Variants in ZMYM2 observed in about 807,000 individuals in gnomAD.
ZMYM2 encodes zinc finger MYM-type protein 2.
In ZMYM2, 56 loss-of-function variants were observed where a neutral mutation model predicts 162.8. That is an observed-to-expected ratio of 0.34 (90% confidence interval 0.28 to 0.43). The LOEUF (loss-of-function observed/expected upper bound fraction) is 0.43, where lower values mean the gene tolerates loss of function less well. Ranked by LOEUF, ZMYM2 falls within the 20% of genes least tolerant of loss-of-function variation. The probability of loss-of-function intolerance (pLI) is 1.00; values close to 1 mark genes in which losing one functional copy is unlikely to be tolerated. For synonymous variants in ZMYM2, 510 were observed against 541.6 expected (o/e 0.94, Z 0.81); for missense variants, 1,275 against 1,621.8 (o/e 0.79, Z 3.67).
the ZMYM2 span, among the ~76,000 whole-genome samples, chr13:19,937,099 T>C: frequency 1.3e-5 from 2 of 151,988 alleles, no homozygotes; most frequent in African/African-American, 4.8e-5. Flanking sequence ...AAAATCAACC[T>C]CTTAAAAAAA....
chr13:19,903,410 C>T, the ZMYM2 span, among the ~76,000 whole-genome samples: 38 of 135,126 alleles, frequency 2.8e-4, no homozygotes, highest in Middle Eastern at 4.6e-3. Flanking sequence ...GAGGCTGAGG[C>T]GGGCGGATCA....
At chr13:19,971,594 G>C (rs1738590209) in intron 2 of ZMYM2, among the ~76,000 whole-genome samples, 1 of 151,974 alleles carries the variant, frequency 6.6e-6, no homozygotes, top group African/African-American at 2.4e-5. Flanking sequence ...AAGTTCTTTA[G>C]ATATTCTGGG....
At chr13:20,052,062 A>G (rs1160179016) in intron 13 of ZMYM2, among the ~76,000 whole-genome samples, 2 of 152,156 alleles carry the variant, frequency 1.3e-5, no homozygotes, top group African/African-American at 2.4e-5. Context: ...AGCAGTGTAT[A>G]CTTTCAGAGG....
chr13:19,904,483 A>G, the ZMYM2 span, among the ~76,000 whole-genome samples: 1 of 152,082 alleles, frequency 6.6e-6, no homozygotes, highest in African/African-American at 2.4e-5. Flanking sequence ...GCTTGAATGC[A>G]GGAGGCGGAG....
chr13:19,981,394 C>A (rs1373572613), intron 2 of ZMYM2, among the ~76,000 whole-genome samples: 1 of 152,086 alleles, frequency 6.6e-6, no homozygotes, highest in African/African-American at 2.4e-5. Context: ...ATTGTCCTAT[C>A]TTTGGCCAGT....
chr13:20,078,741 T>C (rs534654331), intron 21 of ZMYM2, among the ~76,000 whole-genome samples: 6 of 152,196 alleles, frequency 3.9e-5, no homozygotes, highest in Non-Finnish European at 8.8e-5. Flanking sequence ...TTCAAAGAAT[T>C]GGTATTTTTA....
At chr13:19,907,761 CAAAAAAAAA>C in the ZMYM2 span, among the ~76,000 whole-genome samples, 1 of 39,102 alleles carries the variant, frequency 2.6e-5, no homozygotes, top group Non-Finnish European at 4.0e-5. Context: ...GACTCTGTCT[CAAAAAAAAA>C]AAAAAAAAAA....
At chr13:19,866,678 A>G in the ZMYM2 span, among the ~76,000 whole-genome samples, 1 of 152,226 alleles carries the variant, frequency 6.6e-6, no homozygotes, top group African/African-American at 2.4e-5. Flanking sequence ...AACTAACTAA[A>G]TAAATAGGAA....
chr13:19,899,836 A>AAAAAAAAAAAAAAG, the ZMYM2 span, among the ~76,000 whole-genome samples: 4 of 120,838 alleles, frequency 3.3e-5, no homozygotes, highest in African/African-American at 6.0e-5. Context: ...AAAAAAAAAA[A>AAAAAAAAAAAAAAG]AAGGAAAACA....
intron 14 of ZMYM2, among the ~76,000 whole-genome samples, chr13:20,055,477 G>T (rs983162911): frequency 2.6e-5 from 4 of 152,088 alleles, no homozygotes; most frequent in Non-Finnish European, 5.9e-5. Context: ...TTGCATTTTT[G>T]TGTTTTCTGT....
chr13:20,074,197 TG>T (rs1957306603), intron 21 of ZMYM2, among the ~76,000 whole-genome samples: 2 of 14,130 alleles, frequency 1.4e-4, no homozygotes, highest in Non-Finnish European at 5.2e-4. Context: ...TGTCAGAATT[TG>T]TGTGTGTGTG....
In ZMYM2 at chr13:19,979,195, T is replaced by G. The variant is rs147103274; in HGVS notation, c.-10-13868T>G. On this transcript the variant is annotated intron_variant, in intron 2 of 24. Transcript: ENST00000610343. ...TTTTTGCTGCTTTCAAAATTTCTGC[T>G]CTCTTTGAGGTCCACAATGTGTCTT... is the stretch of plus-strand genomic sequence containing the variant. Among the ~76,000 whole-genome samples, 1,160 of 152,298 alleles carry G rather than the reference T, an allele frequency of 7.6e-3. 15 individuals carry two copies. The highest frequency in any genetic ancestry group is 0.027 in the African/African-American group (1,109 of 41,568).
chr13:20,051,329 TG>T (rs1566400415), intron 12 of ZMYM2, 103 bp from the exon 13 acceptor site: 2 of 1,131,140 alleles, frequency 1.8e-6, no homozygotes, highest in African/African-American at 3.2e-5. Flanking sequence ...CTACTTTTTC[TG>T]TATCAGTCAC....
At chr13:19,940,766 G>C in the ZMYM2 span, among the ~76,000 whole-genome samples, 1 of 152,150 alleles carries the variant, frequency 6.6e-6, no homozygotes, top group Non-Finnish European at 1.5e-5. Flanking sequence ...ATTTTTCTAA[G>C]GAAATGCTAT....
intron 7 of ZMYM2, 174 bp downstream of exon 7, chr13:20,019,792 C>T (rs1951919162): frequency 5.0e-6 from 3 of 601,100 alleles, no homozygotes; most frequent in Non-Finnish European, 8.9e-6. Flanking sequence ...TCTAATTTCA[C>T]TAATTTTACA....
intron 12 of ZMYM2, among the ~76,000 whole-genome samples, chr13:20,044,287 C>T (rs1284252429): frequency 2.6e-5 from 4 of 152,210 alleles, no homozygotes; most frequent in Non-Finnish European, 5.9e-5. Context: ...GAAGGGTTTC[C>T]TCCTGCTGAG....
chr13:20,014,796 C>T (rs1465566356), intron 6 of ZMYM2, among the ~76,000 whole-genome samples: 3 of 122,178 alleles, frequency 2.5e-5, no homozygotes, highest in Admixed American at 9.7e-5. Context: ...GACAAAGTCT[C>T]ACTCTATTGC....
At chr13:19,901,982 T>G in the ZMYM2 span, among the ~76,000 whole-genome samples, 1 of 151,928 alleles carries the variant, frequency 6.6e-6, no homozygotes, top group African/African-American at 2.4e-5. Flanking sequence ...AGATAGAGGG[T>G]CTTGTTGTGT....
At chr13:19,981,245 C>G (rs1322630059) in intron 2 of ZMYM2, among the ~76,000 whole-genome samples, 1 of 151,986 alleles carries the variant, frequency 6.6e-6, no homozygotes, top group Non-Finnish European at 1.5e-5. Flanking sequence ...GCATTCCAGC[C>G]TAGGTTGCCA....
Sources: gnomAD v4.1 joint callset for allele counts (sites outside exome capture counted in the v4.1 genomes callset) on GRCh38, gnomAD v4.1.1 for gene constraint, MANE v1.5 for transcripts, NCBI Gene and HGNC (gene_info 2026-07-23, HGNC 2026-07-21) for gene names.